Variants in MYOM2 observed in about 807,000 individuals in gnomAD.
MYOM2 encodes myomesin 2, also known as myomesin-2.
In MYOM2, 254 loss-of-function variants were observed where a neutral mutation model predicts 187.6. The ratio of observed to expected loss-of-function variants is 1.35; its 90% CI spans 1.22 to 1.50. MYOM2 has a LOEUF of 1.50. Ranked by LOEUF, MYOM2 falls within the 40% of genes most tolerant of loss-of-function variation. The pLI, the probability that MYOM2 is intolerant of heterozygous loss-of-function variation, is 0.00. For missense variants in MYOM2, 2,796 were observed against 1,924.0 expected (o/e 1.45, Z -8.48); for synonymous variants, 981 against 753.8 (o/e 1.30, Z -4.94).
intron 10 of MYOM2, among the ~76,000 whole-genome samples, chr8:2,074,219 A>T (rs1189977196): frequency 1.3e-5 from 2 of 152,240 alleles, no homozygotes; most frequent in African/African-American, 4.8e-5. Flanking sequence ...ATACTTACAT[A>T]AACATCCATG....
At chr8:2,112,516 G>A (rs764702618) in intron 25 of MYOM2, among the ~76,000 whole-genome samples, 4 of 152,106 alleles carry the variant, frequency 2.6e-5, no homozygotes, top group African/African-American at 4.8e-5. Flanking sequence ...TGGGCTCAAC[G>A]GAGGGGGCTG....
intron 19 of MYOM2, among the ~76,000 whole-genome samples, chr8:2,099,343 G>T (rs1053443368): frequency 6.6e-6 from 1 of 152,218 alleles, no homozygotes; most frequent in Non-Finnish European, 1.5e-5. Context: ...GGAGCAGGCA[G>T]AGAGGGTCAC....
At chr8:2,133,037 G>A (rs571147305) in intron 32 of MYOM2, among the ~76,000 whole-genome samples, 6 of 152,272 alleles carry the variant, frequency 3.9e-5, no homozygotes, top group South Asian at 2.1e-4. Flanking sequence ...TGTGCCTTGC[G>A]GTCCTGGCCT....
chr8:2,142,782 GTC>G (rs1411055043), intron 35 of MYOM2, among the ~76,000 whole-genome samples: 2 of 136,632 alleles, frequency 1.5e-5, no homozygotes, highest in Non-Finnish European at 3.1e-5. Flanking sequence ...TTTTGACAGA[GTC>G]TTGCTCTGTC....
chr8:2,064,466 T>C (rs1425110779), intron 6 of MYOM2, among the ~76,000 whole-genome samples: 3 of 152,174 alleles, frequency 2.0e-5, no homozygotes, highest in African/African-American at 7.2e-5. Flanking sequence ...TGGGTCGGGA[T>C]CTTTGCTCCG....
At chr8:2,121,920 A>T (rs1797473032) in intron 28 of MYOM2, among the ~76,000 whole-genome samples, 1 of 152,220 alleles carries the variant, frequency 6.6e-6, no homozygotes, top group Non-Finnish European at 1.5e-5. Flanking sequence ...AGTTTATGGT[A>T]GAGAGAATTT....
chr8:2,109,585 G>C, intron 25 of MYOM2, 54 bp downstream of exon 25: 7 of 1,550,666 alleles, frequency 4.5e-6, no homozygotes, highest in Non-Finnish European at 6.1e-6. Flanking sequence ...CTTTTGTTGT[G>C]GTAGGTCAGT....
At chr8:2,131,559 C>T (rs1044462568) in intron 32 of MYOM2, among the ~76,000 whole-genome samples, 3 of 151,924 alleles carry the variant, frequency 2.0e-5, no homozygotes, top group Non-Finnish European at 4.4e-5. Flanking sequence ...TATTGTAAAT[C>T]CCACAGACTT....
rs150296598 is a variant in MYOM2 at position 2,114,601 on chromosome 8, C to G, written c.3181-1359C>G. On this transcript the variant is annotated intron_variant, in intron 25 of 36. Transcript: ENST00000262113. ...GCTCATGCCTCAGCCTTCTGAGTAG[C>G]TGGGATTACAGGCGTGCGCCACCAC... Among the ~76,000 whole-genome samples, 347 of 152,238 alleles carry G rather than the reference C, an allele frequency of 2.3e-3. 1 individual carries two copies. The highest frequency in any genetic ancestry group is 7.5e-3 in the African/African-American group (311 of 41,566).
intron 17 of MYOM2, among the ~76,000 whole-genome samples, chr8:2,094,550 G>T (rs1796417214): frequency 6.6e-6 from 1 of 152,192 alleles, no homozygotes; most frequent in African/African-American, 2.4e-5. Flanking sequence ...TACTCGATAG[G>T]CTGAGGCAGG....
chr8:2,141,519 G>A (rs907704996), intron 34 of MYOM2, among the ~76,000 whole-genome samples: 3 of 152,208 alleles, frequency 2.0e-5, no homozygotes, highest in African/African-American at 2.4e-5. Flanking sequence ...GCTTTTGGCC[G>A]ATTTCGGTCA....
intron 32 of MYOM2, among the ~76,000 whole-genome samples, chr8:2,139,694 C>G (rs1481001887): frequency 2.0e-5 from 3 of 152,086 alleles, no homozygotes; most frequent in South Asian, 2.1e-4. Flanking sequence ...CACATTCCAG[C>G]TCTTGGGTGG....
Position 2,096,229 on chromosome 8 carries a change from G to C in MYOM2, c.2126-18G>C, listed in dbSNP as rs771059258. The C allele has an allele frequency of 4.4e-6, 7 of 1,608,164 alleles. No homozygotes were observed. The highest frequency in any genetic ancestry group is 5.1e-6 in the Non-Finnish European group (6 of 1,176,078). On this transcript the variant is annotated intron_variant, in intron 17 of 36. Transcript: ENST00000262113. ...CAGCTGAGGCCCTCGGTAACTCCCT[G>C]GTTGTGCTTCCTTGCAGCCGTCCCG... is the stretch of plus-strand genomic sequence containing the variant.
In MYOM2 at chr8:2,054,617, T is replaced by G. The variant is rs188851162; in HGVS notation, c.263+2304T>G. ...TGAATCATGGAGGGTTAGAGGATAG[T>G]GGTGCTATTGACCTAAGAATAAGCT... On this transcript the variant is annotated intron_variant, in intron 3 of 36. Transcript: ENST00000262113. Among the ~76,000 whole-genome samples the G allele has an allele frequency of 1.4e-4, 22 of 152,346 alleles. No homozygotes were observed. In the East Asian group the frequency reaches 3.5e-3, roughly 24 times the overall value.
At chr8:2,066,461 G>T (rs1015070622) in intron 6 of MYOM2, among the ~76,000 whole-genome samples, 1 of 152,182 alleles carries the variant, frequency 6.6e-6, no homozygotes, top group East Asian at 1.9e-4. Flanking sequence ...GGGTGGGATC[G>T]TTGTAGAGGA....
At chr8:2,082,369 C>G (rs543887056) in intron 13 of MYOM2, among the ~76,000 whole-genome samples, 1 of 151,384 alleles carries the variant, frequency 6.6e-6, no homozygotes, top group East Asian at 2.0e-4. Context: ...GTTCCCTTTT[C>G]TACCTGTGTC....
intron 19 of MYOM2, among the ~76,000 whole-genome samples, chr8:2,100,097 CTTCCTTCCTTCT>C (rs1796642113): frequency 7.8e-5 from 7 of 89,702 alleles, no homozygotes; most frequent in South Asian, 4.7e-4. Context: ...TCCTTCCTTC[CTTCCTTCCTTCT>C]TTCTTTCCTT....
chr8:2,111,420 A>G (rs1265805457), intron 25 of MYOM2, among the ~76,000 whole-genome samples: 6 of 152,344 alleles, frequency 3.9e-5, no homozygotes, highest in South Asian at 2.1e-4. Flanking sequence ...AAAAGCTGCT[A>G]TATTGCTGAG....
At chr8:2,067,945 T>G (rs1434677087) in intron 6 of MYOM2, among the ~76,000 whole-genome samples, 1 of 152,108 alleles carries the variant, frequency 6.6e-6, no homozygotes, top group Non-Finnish European at 1.5e-5. Flanking sequence ...AATCTGCTTT[T>G]GGAACAGGGA....
Sources: allele counts gnomAD v4.1 joint callset (sites outside exome capture counted in the v4.1 genomes callset), GRCh38; gene constraint gnomAD v4.1.1; transcripts MANE v1.5; gene names NCBI Gene and HGNC (gene_info 2026-07-23, HGNC 2026-07-21).